WWOX: variants seen among roughly 807,000 people sequenced by gnomAD.
WWOX encodes the protein WW domain containing oxidoreductase.
WWOX carries 69 observed loss-of-function variants against 46.2 expected under a neutral mutation model. That is an observed-to-expected ratio of 1.49 (90% CI 1.23 to 1.82). The LOEUF (loss-of-function observed/expected upper bound fraction) is 1.82. Ranked by LOEUF, WWOX falls within the 40% of genes most tolerant of loss-of-function variation. The pLI is 0.00. For synonymous variants in WWOX, 359 were observed against 202.6 expected, an observed-to-expected ratio of 1.77 and a Z score of -6.56; for missense variants, 919 against 542.6, an observed-to-expected ratio of 1.69 and a Z score of -6.89.
intron 8 of WWOX, among the ~76,000 whole-genome samples, chr16:78,867,441 A>T (rs562062994): frequency 6.6e-6 from 1 of 151,898 alleles, no homozygotes; most frequent in Non-Finnish European, 1.5e-5. Context: ...ATAGTTTCCA[A>T]TTGACAGATG....
chr16:78,789,335 G>C (rs569975948), intron 8 of WWOX, among the ~76,000 whole-genome samples: 1 of 152,252 alleles, frequency 6.6e-6, no homozygotes, highest in South Asian at 2.1e-4. Flanking sequence ...TATAGTTTAA[G>C]GTAGGCATTC....
chr16:78,520,576 G>C (rs1163138143), intron 8 of WWOX, among the ~76,000 whole-genome samples: 1 of 149,116 alleles, frequency 6.7e-6, no homozygotes, highest in Non-Finnish European at 1.5e-5. Context: ...TGGATGTCAG[G>C]ATTGTCTGGT....
chr16:78,367,049 A>G (rs11150068), intron 5 of WWOX, among the ~76,000 whole-genome samples: 117,679 of 147,126 alleles, frequency 0.8, 47,746 homozygotes, highest in African/African-American at 0.85. Flanking sequence ...GTGTGATTTC[A>G]GCTCACAGCA....
intron 6 of WWOX, among the ~76,000 whole-genome samples, chr16:78,423,761 G>T (rs9931457): frequency 2.6e-5 from 4 of 151,202 alleles, no homozygotes; most frequent in Non-Finnish European, 5.9e-5. Context: ...TGGAAGGATC[G>T]TCTGAGCCTG....
chr16:78,978,654 G>T (rs533874486), intron 8 of WWOX, among the ~76,000 whole-genome samples: 4 of 152,150 alleles, frequency 2.6e-5, no homozygotes, highest in Non-Finnish European at 5.9e-5. Flanking sequence ...ATGGCAGAAG[G>T]TAAAGGGGAA....
intron 8 of WWOX, among the ~76,000 whole-genome samples, chr16:79,179,514 T>A (rs2150783513): frequency 6.6e-6 from 1 of 152,314 alleles, no homozygotes; most frequent in South Asian, 2.1e-4. Context: ...CATGCTTTTG[T>A]TTTTGTTTTT....
intron 8 of WWOX, among the ~76,000 whole-genome samples, chr16:78,682,681 C>T (rs1397430514): frequency 6.6e-6 from 1 of 151,950 alleles, no homozygotes; most frequent in East Asian, 1.9e-4. Flanking sequence ...TGAGATTGGC[C>T]TGGGAAATAT....
chr16:78,262,285 G>C (rs7195428), intron 5 of WWOX, among the ~76,000 whole-genome samples: 98,045 of 151,580 alleles, frequency 0.65, 32,560 homozygotes, highest in East Asian at 0.88. Context: ...CTGTTAGATA[G>C]AGAGCATTCT....
At chr16:78,290,808 G>A (rs985766725) in intron 5 of WWOX, among the ~76,000 whole-genome samples, 1 of 152,126 alleles carries the variant, frequency 6.6e-6, no homozygotes, top group African/African-American at 2.4e-5. Context: ...AGTACAAATT[G>A]TACGTATACA....
intron 8 of WWOX, among the ~76,000 whole-genome samples, chr16:78,750,105 A>G (rs894686539): frequency 2.0e-5 from 3 of 152,212 alleles, no homozygotes; most frequent in African/African-American, 4.8e-5. Context: ...TTCACACCTT[A>G]AAAACAAGGA....
At chr16:78,336,757 C>A (rs1468296949) in intron 5 of WWOX, among the ~76,000 whole-genome samples, 1 of 151,980 alleles carries the variant, frequency 6.6e-6, no homozygotes, top group Non-Finnish European at 1.5e-5. Context: ...ATGGTATTTC[C>A]TGAGTTTTTA....
chr16:78,622,478 G>T (rs550547235), intron 8 of WWOX, among the ~76,000 whole-genome samples: 1 of 151,896 alleles, frequency 6.6e-6, no homozygotes, highest in African/African-American at 2.4e-5. Context: ...GGAGACGGGG[G>T]TTGCAGGGAG....
chr16:78,110,671 A>G (rs2032440449), intron 3 of WWOX, among the ~76,000 whole-genome samples: 2 of 152,208 alleles, frequency 1.3e-5, no homozygotes, highest in South Asian at 2.1e-4. Context: ...CCTGTCCAAC[A>G]TATAGCATGA....
chr16:78,548,350 A>AT (rs1190579406), intron 8 of WWOX, among the ~76,000 whole-genome samples: 1 of 151,604 alleles, frequency 6.6e-6, no homozygotes, highest in Non-Finnish European at 1.5e-5. Flanking sequence ...AAGAAAAAAA[A>AT]AATCCAGATT....
chr16:78,466,867 A>T (rs189447711), intron 8 of WWOX, among the ~76,000 whole-genome samples: 1 of 151,938 alleles, frequency 6.6e-6, no homozygotes, highest in Non-Finnish European at 1.5e-5. Context: ...AGCACAAAAA[A>T]TTTTTTTCTT....
At chr16:78,799,895 A>C (rs180824277) in intron 8 of WWOX, among the ~76,000 whole-genome samples, 1 of 152,164 alleles carries the variant, frequency 6.6e-6, no homozygotes, top group Admixed American at 6.5e-5. Context: ...AAAAATTTCT[A>C]TGTGAATGAC....
At chr16:78,263,996 C>CTT (rs757195574) in intron 5 of WWOX, among the ~76,000 whole-genome samples, 2,389 of 78,534 alleles carry the variant, frequency 0.03, 553 homozygotes, top group African/African-American at 0.068. Flanking sequence ...GCTGTGAAAT[C>CTT]TTTTTTTTTT....
intron 8 of WWOX, among the ~76,000 whole-genome samples, chr16:78,624,028 G>T (rs2046252331): frequency 6.6e-6 from 1 of 152,148 alleles, no homozygotes; most frequent in East Asian, 1.9e-4. Flanking sequence ...GATGAGGAAA[G>T]TAAGAACCCA....
At chr16:78,192,843 C>G (rs564670169) in intron 5 of WWOX, among the ~76,000 whole-genome samples, 7 of 152,158 alleles carry the variant, frequency 4.6e-5, no homozygotes, top group Non-Finnish European at 1.0e-4. Flanking sequence ...AAACATAAAG[C>G]TATGACTTGA....
Sources: gnomAD v4.1 joint callset for allele counts (sites outside exome capture counted in the v4.1 genomes callset) on GRCh38, gnomAD v4.1.1 for gene constraint, MANE v1.5 for transcripts, NCBI Gene and HGNC (gene_info 2026-07-23, HGNC 2026-07-21) for gene names.